LMX1B: variants seen among roughly 807,000 people sequenced by gnomAD.
LMX1B encodes the protein LIM homeobox transcription factor 1 beta.
In LMX1B, 12 loss-of-function variants were observed where a neutral mutation model predicts 51.4. That is an observed-to-expected ratio of 0.23 (90% CI 0.15 to 0.38). The LOEUF (loss-of-function observed/expected upper bound fraction) is 0.38. Among genes scored for constraint, LMX1B ranks in the 10% least tolerant of loss-of-function variants. LMX1B has a pLI of 1.00. For missense variants in LMX1B, 445 were observed against 571.1 expected (o/e 0.78, Z 2.25); for synonymous variants, 237 against 235.4 (o/e 1.01, Z -0.06).
intron 2 of LMX1B, among the ~76,000 whole-genome samples, chr9:126,630,453 A>G (rs1178824232): frequency 6.6e-5 from 10 of 152,098 alleles, no homozygotes; most frequent in Non-Finnish European, 1.5e-4. Flanking sequence ...GAGGGTTGTT[A>G]TCTGTGACCT....
At chr9:126,688,523 G>A (rs1192702333) in intron 2 of LMX1B, among the ~76,000 whole-genome samples, 3 of 152,204 alleles carry the variant, frequency 2.0e-5, no homozygotes, top group Non-Finnish European at 4.4e-5. Flanking sequence ...GGGACAGAGG[G>A]GCAGTAGGGG....
At chr9:126,650,821 C>T (rs890515850) in intron 2 of LMX1B, among the ~76,000 whole-genome samples, 2 of 152,186 alleles carry the variant, frequency 1.3e-5, no homozygotes, top group African/African-American at 4.8e-5. Flanking sequence ...GGAAACTGCT[C>T]GCCATACCTA....
At chr9:126,683,263 ACG>A (rs1836710707) in intron 2 of LMX1B, among the ~76,000 whole-genome samples, 1 of 151,262 alleles carries the variant, frequency 6.6e-6, no homozygotes, top group Admixed American at 6.6e-5. Flanking sequence ...CGCGTGATTG[ACG>A]CGCGTACCGG....
At chr9:126,688,550 C>T (rs549904522) in intron 2 of LMX1B, among the ~76,000 whole-genome samples, 1 of 152,330 alleles carries the variant, frequency 6.6e-6, no homozygotes, top group Admixed American at 6.5e-5. Context: ...GAGGACCACC[C>T]TCCATGTCAG....
chr9:126,642,841 C>T (rs565285272), intron 2 of LMX1B, among the ~76,000 whole-genome samples: 4 of 152,268 alleles, frequency 2.6e-5, no homozygotes, highest in South Asian at 4.1e-4. Flanking sequence ...ACTGAAACCC[C>T]GTCAGCCCTG....
intron 2 of LMX1B, among the ~76,000 whole-genome samples, chr9:126,659,772 T>C (rs1224419372): frequency 6.6e-6 from 1 of 152,096 alleles, no homozygotes; most frequent in African/African-American, 2.4e-5. Flanking sequence ...GATTGTCCTA[T>C]GTGGGAATGT....
At chr9:126,642,945 C>T (rs909568072) in intron 2 of LMX1B, among the ~76,000 whole-genome samples, 4 of 152,176 alleles carry the variant, frequency 2.6e-5, no homozygotes, top group Non-Finnish European at 4.4e-5. Context: ...AAGTGGACTG[C>T]GCTCTCTTCC....
At chr9:126,669,125 G>A (rs1291516829) in intron 2 of LMX1B, among the ~76,000 whole-genome samples, 2 of 152,204 alleles carry the variant, frequency 1.3e-5, no homozygotes, top group African/African-American at 2.4e-5. Flanking sequence ...ACGAGGGGAC[G>A]AGAGGAAGAT....
intron 5 of LMX1B, 62 bp from the exon 6 acceptor site, chr9:126,693,684 G>C: frequency 6.3e-7 from 1 of 1,592,156 alleles, no homozygotes; most frequent in Non-Finnish European, 8.6e-7. Flanking sequence ...TCCAGGGGGC[G>C]TGGGGCTGGC....
intron 2 of LMX1B, 37 bp from the exon 3 acceptor site, chr9:126,690,799 T>G: frequency 1.9e-6 from 3 of 1,557,376 alleles, no homozygotes; most frequent in Non-Finnish European, 2.6e-6. Flanking sequence ...GAGGGACTTC[T>G]GAGCACCGCC....
In LMX1B at chr9:126,687,238, A is replaced by G. The variant is rs532083631; in HGVS notation, c.327-3598A>G. On this transcript the variant is annotated intron_variant, in intron 2 of 7. Transcript: ENST00000373474. Reference sequence around the variant, plus strand: ...TTCCCTTTTTTTTTTTATTTTTTATATATTTTTTGAGACGGAGTCTCTCTC... The same window carrying G: ...TTCCCTTTTTTTTTTTATTTTTTATGTATTTTTTGAGACGGAGTCTCTCTC... Among the ~76,000 whole-genome samples, 285 of 149,172 alleles carry G rather than the reference A, an allele frequency of 1.9e-3. 1 individual carries two copies. Among genetic ancestry groups the G allele is most frequent in the Admixed American group, 4.9e-3 (74 of 15,006 alleles).
At position 126,698,315 on chromosome 9, in the gene LMX1B, C is replaced by T. The variant is rs1369822047; in HGVS notation, c.*1864C>T. ...CTCTCCTCTCTCCCAGCACATCTGC[C>T]CAGTGAGGAGTTGGCCCTGGGTCTC... On this transcript the variant is annotated 3_prime_UTR_variant, in exon 8 of 8. Transcript: ENST00000373474. 6.6e-6 allele frequency: 1 copy of T among 152,444 alleles called. No individual in the cohort carries two copies. The highest frequency in any genetic ancestry group is 6.5e-5 in the Admixed American group (1 of 15,288). 9.4% of individuals were successfully genotyped at this position (152,444 alleles called of 1,614,324 possible). A position where few individuals can be genotyped will look rare whatever the true frequency, so the allele number is the denominator to read the frequency against.
chr9:126,638,756 G>A (rs544183390), intron 2 of LMX1B, among the ~76,000 whole-genome samples: 30 of 152,176 alleles, frequency 2.0e-4, no homozygotes, highest in South Asian at 6.2e-4. Flanking sequence ...GGGGGAGCCG[G>A]TGAAAAATTA....
intron 2 of LMX1B, among the ~76,000 whole-genome samples, chr9:126,650,219 GC>G (rs1215705490): frequency 6.6e-6 from 1 of 152,192 alleles, no homozygotes; most frequent in Non-Finnish European, 1.5e-5. Flanking sequence ...TTCCTGCCCT[GC>G]CCCGAAGTCG....
intron 2 of LMX1B, among the ~76,000 whole-genome samples, chr9:126,650,589 G>A (rs776039850): frequency 1.8e-4 from 27 of 152,226 alleles, no homozygotes; most frequent in Non-Finnish European, 2.9e-4. Context: ...TAATGACACC[G>A]GAGGGCAGCG....
At chr9:126,645,278 C>T (rs1835878671) in intron 2 of LMX1B, among the ~76,000 whole-genome samples, 1 of 150,568 alleles carries the variant, frequency 6.6e-6, no homozygotes, top group Non-Finnish European at 1.5e-5. Context: ...ACTGGCATCT[C>T]CCCTGGGCCT....
At chr9:126,668,502 G>T (rs145118461) in intron 2 of LMX1B, among the ~76,000 whole-genome samples, 2,447 of 147,298 alleles carry the variant, frequency 0.017, 73 homozygotes, top group African/African-American at 0.059. Flanking sequence ...CGCCCAGGCT[G>T]TAGTGCAGTG....
At chr9:126,684,135 T>C (rs746924114) in intron 2 of LMX1B, among the ~76,000 whole-genome samples, 4 of 152,128 alleles carry the variant, frequency 2.6e-5, no homozygotes, top group African/African-American at 4.8e-5. Flanking sequence ...CCAAATCTCA[T>C]GGTCCCCATG....
chr9:126,694,903 C>G (rs2030270712), intron 6 of LMX1B, among the ~76,000 whole-genome samples: 1 of 152,148 alleles, frequency 6.6e-6, no homozygotes, highest in Non-Finnish European at 1.5e-5. Context: ...CTCATCCCAA[C>G]CCATGCCGTA....
Sources: allele counts gnomAD v4.1 joint callset (sites outside exome capture counted in the v4.1 genomes callset), GRCh38; gene constraint gnomAD v4.1.1; transcripts MANE v1.5; gene names NCBI Gene and HGNC (gene_info 2026-07-23, HGNC 2026-07-21).